NKAIN3: variants seen among roughly 807,000 people sequenced by gnomAD.
The protein encoded by NKAIN3 is sodium/potassium-transporting ATPase subunit beta-1-interacting protein 3.
In NKAIN3, 25 loss-of-function variants were observed where a neutral mutation model predicts 30.2. The ratio of observed to expected loss-of-function variants is 0.83; its 90% CI spans 0.60 to 1.16. NKAIN3 has a LOEUF of 1.16. Ranked by LOEUF, NKAIN3 falls within the 50% of genes most tolerant of loss-of-function variation. The pLI is 0.00. For synonymous variants in NKAIN3, 91 were observed against 89.6 expected (o/e 1.02, Z -0.09); for missense variants, 225 against 254.1 (o/e 0.89, Z 0.78).
chr8:62,561,035 A>G (rs576044821), intron 1 of NKAIN3, among the ~76,000 whole-genome samples: 4 of 152,258 alleles, frequency 2.6e-5, no homozygotes, highest in South Asian at 4.2e-4. Flanking sequence ...TGACTAGAGT[A>G]TAATGGTTAT....
chr8:62,673,019 T>A (rs4738993), intron 3 of NKAIN3, among the ~76,000 whole-genome samples: 61,533 of 152,052 alleles, frequency 0.4, 15,499 homozygotes, highest in African/African-American at 0.71. Context: ...TTATTTATAC[T>A]TTGCAATAGC....
chr8:62,862,333 T>A (rs1820274080), intron 4 of NKAIN3, among the ~76,000 whole-genome samples: 1 of 151,988 alleles, frequency 6.6e-6, no homozygotes, highest in South Asian at 2.1e-4. Flanking sequence ...ATGAATGGAA[T>A]CATAACAAAG....
intron 4 of NKAIN3, among the ~76,000 whole-genome samples, chr8:62,820,629 G>T (rs1818820425): frequency 6.6e-6 from 1 of 152,076 alleles, no homozygotes; most frequent in African/African-American, 2.4e-5. Flanking sequence ...AAGACCGAAG[G>T]CAAAACTCTG....
intron 1 of NKAIN3, among the ~76,000 whole-genome samples, chr8:62,328,081 C>T (rs1013514483): frequency 1.3e-5 from 2 of 151,996 alleles, no homozygotes; most frequent in African/African-American, 4.8e-5. Flanking sequence ...ATATATTATG[C>T]CAACTTATTC....
chr8:62,526,402 T>C (rs1178064842), intron 1 of NKAIN3, among the ~76,000 whole-genome samples: 8 of 152,254 alleles, frequency 5.3e-5, no homozygotes, highest in South Asian at 4.1e-4. Flanking sequence ...AATTGACTAC[T>C]GCCTAGTCAA....
At chr8:62,377,826 A>G (rs1019931719) in intron 1 of NKAIN3, among the ~76,000 whole-genome samples, 1 of 152,156 alleles carries the variant, frequency 6.6e-6, no homozygotes, top group Non-Finnish European at 1.5e-5. Flanking sequence ...ATGCAGAACT[A>G]TGAGTCAATT....
intron 1 of NKAIN3, among the ~76,000 whole-genome samples, chr8:62,342,062 A>G (rs773539998): frequency 6.6e-6 from 1 of 152,144 alleles, no homozygotes; most frequent in Non-Finnish European, 1.5e-5. Flanking sequence ...GTAAATTTCA[A>G]TCCATTCTAT....
intron 1 of NKAIN3, among the ~76,000 whole-genome samples, chr8:62,446,774 G>C (rs982803338): frequency 1.3e-5 from 2 of 152,032 alleles, no homozygotes; most frequent in African/African-American, 4.8e-5. Context: ...CAAGGTTGTA[G>C]AATGTGTCAG....
At chr8:62,321,985 A>G (rs967043342) in intron 1 of NKAIN3, among the ~76,000 whole-genome samples, 4 of 152,162 alleles carry the variant, frequency 2.6e-5, no homozygotes, top group African/African-American at 4.8e-5. Flanking sequence ...ACCGAGTTCC[A>G]GCTTCCAGGC....
intron 5 of NKAIN3, among the ~76,000 whole-genome samples, chr8:62,952,543 C>T (rs1424481297): frequency 6.6e-6 from 1 of 152,152 alleles, no homozygotes; most frequent in Non-Finnish European, 1.5e-5. Flanking sequence ...ACTATTTCGA[C>T]CTTTGAAGAA....
chr8:62,864,057 G>T, intron 4 of NKAIN3: 1 of 689,622 alleles, frequency 1.5e-6, no homozygotes, highest in South Asian at 1.6e-5. Context: ...GGGCCTGAAT[G>T]GGCAACACTT....
intron 1 of NKAIN3, among the ~76,000 whole-genome samples, chr8:62,353,472 A>T (rs930209803): frequency 1.3e-5 from 2 of 152,164 alleles, no homozygotes; most frequent in African/African-American, 4.8e-5. Flanking sequence ...TTCATTCATT[A>T]TTCATCTATT....
At chr8:62,859,508 TAA>T (rs531859546) in intron 4 of NKAIN3, among the ~76,000 whole-genome samples, 2 of 60,432 alleles carry the variant, frequency 3.3e-5, no homozygotes, top group Non-Finnish European at 3.4e-5. Flanking sequence ...TTACTTCAAC[TAA>T]AAAAAAAAAA....
At chr8:62,300,093 G>T (rs1476285427) in intron 1 of NKAIN3, among the ~76,000 whole-genome samples, 2 of 152,038 alleles carry the variant, frequency 1.3e-5, no homozygotes, top group African/African-American at 2.4e-5. Context: ...GATCGATACT[G>T]TTAACTGGAT....
chr8:62,481,273 C>G (rs560246067), intron 1 of NKAIN3, among the ~76,000 whole-genome samples: 1 of 151,998 alleles, frequency 6.6e-6, no homozygotes, highest in South Asian at 2.1e-4. Flanking sequence ...CTGGTGTATC[C>G]CTCACCACCT....
chr8:62,576,855 G>A (rs911933996), intron 1 of NKAIN3, among the ~76,000 whole-genome samples: 1 of 151,918 alleles, frequency 6.6e-6, no homozygotes, highest in Non-Finnish European at 1.5e-5. Context: ...AAGCAACTTG[G>A]ATATAATTTC....
rs1371949537 is a variant in NKAIN3 at position 62,999,240 on chromosome 8, GC to G, written c.543del (p.Ser181ArgfsTer44). The G allele has an allele frequency of 6.6e-6, 1 of 152,206 alleles. No homozygotes were observed. Among genetic ancestry groups the G allele is most frequent in the African/African-American group, 2.4e-5 (1 of 41,456 alleles). The allele number at this position is 152,206 out of a possible 1,614,324, so 9.4% of individuals were successfully genotyped here. ...GCTCATGCTTCTGCAGGGTGTACAA[GC>G]AACATGGTGCCGGCACCTGCTCAGC... On this transcript the variant is annotated frameshift_variant, in exon 6 of 6. Coordinates refer to the NKAIN3 transcript ENST00000519049. LOFTEE classifies it high-confidence loss of function.
chr8:62,635,604 A>G (rs1192442455), intron 3 of NKAIN3, among the ~76,000 whole-genome samples: 1 of 152,106 alleles, frequency 6.6e-6, no homozygotes, highest in Non-Finnish European at 1.5e-5. Flanking sequence ...GAAGGTGATC[A>G]GGATTAGTGT....
intron 1 of NKAIN3, among the ~76,000 whole-genome samples, chr8:62,576,394 C>T (rs577120186): frequency 1.3e-5 from 2 of 152,050 alleles, no homozygotes; most frequent in South Asian, 2.1e-4. Flanking sequence ...TTTTTTAAAA[C>T]TCAAGTTCTG....
Sources: gnomAD v4.1 joint callset for allele counts (sites outside exome capture counted in the v4.1 genomes callset) on GRCh38, gnomAD v4.1.1 for gene constraint, MANE v1.5 for transcripts, NCBI Gene and HGNC (gene_info 2026-07-23, HGNC 2026-07-21) for gene names.